Variants in AUTS2 observed in about 807,000 individuals in gnomAD.
AUTS2 encodes the protein activator of transcription and developmental regulator AUTS2.
A neutral mutation model predicts 112.4 loss-of-function variants in AUTS2; 17 were observed. The observed-to-expected ratio is 0.15, with a 90% CI of 0.10 to 0.23. The LOEUF (loss-of-function observed/expected upper bound fraction) is 0.23. Among genes scored for constraint, AUTS2 ranks in the 10% least tolerant of loss-of-function variants. The probability of loss-of-function intolerance (pLI) is 1.00; values close to 1 mark genes in which losing one functional copy is unlikely to be tolerated. For synonymous variants in AUTS2, 751 were observed against 702.7 expected (o/e 1.07, Z -1.09); for missense variants, 1,510 against 1,701.6 (o/e 0.89, Z 1.98).
intron 5 of AUTS2, among the ~76,000 whole-genome samples, chr7:70,490,672 A>G (rs1798195392): frequency 6.6e-6 from 1 of 152,132 alleles, no homozygotes; most frequent in African/African-American, 2.4e-5. Flanking sequence ...GACTTGCTCA[A>G]AACATCGTTG....
At chr7:69,683,046 G>A (rs1796873838) in intron 1 of AUTS2, among the ~76,000 whole-genome samples, 1 of 152,268 alleles carries the variant, frequency 6.6e-6, no homozygotes, top group Non-Finnish European at 1.5e-5. Flanking sequence ...CGTACAGAGG[G>A]AAGAGGGCTC....
chr7:70,026,405 G>C (rs971426735), intron 2 of AUTS2, among the ~76,000 whole-genome samples: 2 of 152,130 alleles, frequency 1.3e-5, no homozygotes, highest in Non-Finnish European at 2.9e-5. Flanking sequence ...CCTCTCTGGA[G>C]GTTGGCTCCT....
intron 4 of AUTS2, among the ~76,000 whole-genome samples, chr7:70,137,424 A>T (rs1806625106): frequency 6.6e-6 from 1 of 151,756 alleles, no homozygotes; most frequent in African/African-American, 2.4e-5. Flanking sequence ...CTTTTTTGGC[A>T]AGAGGACTAA....
intron 2 of AUTS2, among the ~76,000 whole-genome samples, chr7:70,030,408 G>C (rs1800721190): frequency 6.6e-6 from 1 of 152,134 alleles, no homozygotes; most frequent in Non-Finnish European, 1.5e-5. Flanking sequence ...CACATGAATA[G>C]ACCCGTGGTA....
chr7:70,178,808 G>A (rs1283869998), intron 4 of AUTS2, among the ~76,000 whole-genome samples: 12 of 151,934 alleles, frequency 7.9e-5, no homozygotes, highest in Admixed American at 7.9e-4. Flanking sequence ...AAAAAAAAAT[G>A]TAGGTCTTAT....
intron 4 of AUTS2, among the ~76,000 whole-genome samples, chr7:70,320,394 C>G (rs750255457): frequency 6.6e-6 from 1 of 152,168 alleles, no homozygotes; most frequent in African/African-American, 2.4e-5. Flanking sequence ...AAGTAAAATT[C>G]ACAATCTTTG....
chr7:70,259,894 G>T (rs1297837982), intron 4 of AUTS2, among the ~76,000 whole-genome samples: 2 of 149,378 alleles, frequency 1.3e-5, no homozygotes, highest in African/African-American at 4.9e-5. Context: ...TTTTAAGTGT[G>T]GATCTGTGGA....
At chr7:69,918,670 T>A (rs1795688609) in intron 2 of AUTS2, among the ~76,000 whole-genome samples, 1 of 152,230 alleles carries the variant, frequency 6.6e-6, no homozygotes, top group Non-Finnish European at 1.5e-5. Flanking sequence ...TGACCACAAG[T>A]GTGCTAAAAG....
Position 70,445,571 on chromosome 7 carries a change from T to C in AUTS2, c.690+9790T>C, listed in dbSNP as rs189758249. Among the ~76,000 whole-genome samples the C allele has an allele frequency of 2.3e-3, 346 of 152,300 alleles. 1 individual carries two copies. Among genetic ancestry groups the C allele is most frequent in the Non-Finnish European group, 3.3e-3 (223 of 68,024 alleles). ...GTGGGACTTTTTTCTTATTTTAGCC[T>C]GGAATGCAGTTATCCAAGGTGAGAA... is the stretch of plus-strand genomic sequence containing the variant. On this transcript the variant is annotated intron_variant, in intron 5 of 18. Transcript: ENST00000342771.
chr7:70,440,595 T>G (rs1796086172), intron 5 of AUTS2, among the ~76,000 whole-genome samples: 1 of 152,152 alleles, frequency 6.6e-6, no homozygotes, highest in South Asian at 2.1e-4. Context: ...CTAGAGGGTT[T>G]CCCCAGAATC....
intron 5 of AUTS2, among the ~76,000 whole-genome samples, chr7:70,678,394 A>T (rs902216983): frequency 6.6e-6 from 1 of 152,212 alleles, no homozygotes; most frequent in Non-Finnish European, 1.5e-5. Context: ...CGTACTTCCA[A>T]ATATTGCCTT....
chr7:70,256,100 C>T (rs1015104444), intron 4 of AUTS2, among the ~76,000 whole-genome samples: 6 of 152,144 alleles, frequency 3.9e-5, no homozygotes, highest in African/African-American at 1.4e-4. Flanking sequence ...TAGGTGTTCT[C>T]CTACTACACA....
At position 69,643,069 on chromosome 7, in the gene AUTS2, C is replaced by T. The variant is rs528024113; in HGVS notation, c.309+43107C>T. 8.5e-5 allele frequency among the ~76,000 whole-genome samples: 13 copies of T among 152,236 alleles called. No homozygotes were observed. The South Asian group carries it at 2.7e-3, about 32-fold the overall frequency. On this transcript the variant is annotated intron_variant, in intron 1 of 18. Coordinates refer to ENST00000342771, the MANE Select transcript of AUTS2 (RefSeq NM_015570.4). The stretch of plus-strand genomic sequence containing the variant: ...TGTGATTGTTGGTGGAACTTATTTC[C>T]TTGCAGCTGGAGGACTAGAGGGACT...
rs73432823 is a variant in AUTS2, at chr7:70,564,090, G to A, written c.690+128309G>A. On this transcript the variant is annotated intron_variant, in intron 5 of 18. Coordinates refer to ENST00000342771, the MANE Select transcript of AUTS2 (RefSeq NM_015570.4). ...GCAATGAGCAATTTTACTTCCATTA[G>A]CCTAATGTCTTTGTGGTTTCATCTG... is the stretch of plus-strand genomic sequence containing the variant. Among the ~76,000 whole-genome samples the A allele has an allele frequency of 9.8e-3, 1,484 of 152,136 alleles. 27 individuals are homozygous for A. Among genetic ancestry groups the A allele is most frequent in the African/African-American group, 0.034 (1,410 of 41,494 alleles).
chr7:70,531,710 A>G (rs1217711729), intron 5 of AUTS2, among the ~76,000 whole-genome samples: 1 of 152,062 alleles, frequency 6.6e-6, no homozygotes, highest in African/African-American at 2.4e-5. Context: ...CATGACCCCA[A>G]CACCTCCCAC....
At chr7:70,312,620 A>G (rs1489127298) in intron 4 of AUTS2, among the ~76,000 whole-genome samples, 1 of 152,198 alleles carries the variant, frequency 6.6e-6, no homozygotes, top group African/African-American at 2.4e-5. Flanking sequence ...TAAAATAGAC[A>G]CTGTGAAGGT....
chr7:70,785,037 A>G lies in AUTS2; in HGVS notation c.2224+18A>G, dbSNP rs878920891. 3 of 1,612,948 alleles carry G rather than the reference A, an allele frequency of 1.9e-6. No homozygotes were observed. Among genetic ancestry groups the G allele is most frequent in the African/African-American group, 1.3e-5 (1 of 75,012 alleles). Reference sequence around the variant, plus strand: ...CCACCTAGGTGAGTCGCCCAAAATAATGGGAACTGAGATGTGTGCTTCAGG... The same window carrying G: ...CCACCTAGGTGAGTCGCCCAAAATAGTGGGAACTGAGATGTGTGCTTCAGG... On this transcript the variant is annotated intron_variant, in intron 16 of 18. Coordinates refer to ENST00000342771, the MANE Select transcript of AUTS2 (RefSeq NM_015570.4).
At chr7:70,523,436 G>A (rs1322534888) in intron 5 of AUTS2, among the ~76,000 whole-genome samples, 1 of 152,202 alleles carries the variant, frequency 6.6e-6, no homozygotes, top group Non-Finnish European at 1.5e-5. Flanking sequence ...CCTGGTCCAG[G>A]GCAGAGCCTT....
chr7:69,662,548 T>C (rs1795850621), intron 1 of AUTS2, among the ~76,000 whole-genome samples: 1 of 152,224 alleles, frequency 6.6e-6, no homozygotes, highest in Non-Finnish European at 1.5e-5. Context: ...TGAGAATTTC[T>C]GCCTTAGAAA....
Sources: gnomAD v4.1 joint callset for allele counts (sites outside exome capture counted in the v4.1 genomes callset) on GRCh38, gnomAD v4.1.1 for gene constraint, MANE v1.5 for transcripts, NCBI Gene and HGNC (gene_info 2026-07-23, HGNC 2026-07-21) for gene names.